SLC14A2: variants seen among roughly 807,000 people sequenced by gnomAD.
The protein encoded by SLC14A2 is solute carrier family 14 member 2.
SLC14A2 carries 91 observed loss-of-function variants against 104.6 expected under a neutral mutation model. That is an observed-to-expected ratio of 0.87 (90% CI 0.73 to 1.04). SLC14A2 has a LOEUF of 1.04. SLC14A2 is among the 50% of genes least tolerant of loss of function. SLC14A2 has a pLI of 0.00. For synonymous variants in SLC14A2, 476 were observed against 466.4 expected (o/e 1.02, Z -0.27); for missense variants, 1,189 against 1,156.0 (o/e 1.03, Z -0.41).
chr18:45,533,136 C>G (rs1441844057), intron 2 of SLC14A2, among the ~76,000 whole-genome samples: 1 of 152,188 alleles, frequency 6.6e-6, no homozygotes, highest in African/African-American at 2.4e-5. Flanking sequence ...CAATGTTTAT[C>G]AAGGATATTG....
chr18:45,613,883 T>G (rs895231083), upstream of SLC14A2, among the ~76,000 whole-genome samples: 3 of 152,186 alleles, frequency 2.0e-5, no homozygotes, highest in Non-Finnish European at 4.4e-5. Flanking sequence ...CCTGACGATG[T>G]GATGGAAAGA....
intron 2 of SLC14A2, among the ~76,000 whole-genome samples, chr18:45,536,699 G>A (rs1482616586): frequency 1.3e-5 from 2 of 152,068 alleles, no homozygotes; most frequent in Admixed American, 6.6e-5. Context: ...ATATCTTTTG[G>A]GGGGCACAAT....
intron 9 of SLC14A2, 29 bp downstream of exon 9, chr18:45,643,210 C>G (rs764577286): frequency 3.8e-5 from 60 of 1,599,590 alleles, no homozygotes; most frequent in Non-Finnish European, 4.9e-5. Context: ...GAACACTACC[C>G]CAAAGTGCTC....
At chr18:45,443,582 G>A (rs1342149942) in intron 1 of SLC14A2, among the ~76,000 whole-genome samples, 1 of 152,076 alleles carries the variant, frequency 6.6e-6, no homozygotes, top group East Asian at 1.9e-4. Context: ...AGTGGGGGTG[G>A]GGGAAGAGTT....
At chr18:45,467,005 C>A (rs1411561928) in intron 1 of SLC14A2, among the ~76,000 whole-genome samples, 1 of 152,052 alleles carries the variant, frequency 6.6e-6, no homozygotes, top group African/African-American at 2.4e-5. Flanking sequence ...GACACAATGT[C>A]CATGTGGGTG....
chr18:45,359,303 G>A (rs138216748), intron 1 of SLC14A2, among the ~76,000 whole-genome samples: 211 of 152,280 alleles, frequency 1.4e-3, no homozygotes, highest in African/African-American at 5.0e-3. Context: ...TGTGAAAAGA[G>A]ATGGGAAGCA....
chr18:45,174,288 G>A, the SLC14A2 span, among the ~76,000 whole-genome samples: 1 of 152,000 alleles, frequency 6.6e-6, no homozygotes, highest in Non-Finnish European at 1.5e-5. Context: ...CAGAGTCCTG[G>A]CCATTTTTCT....
intron 1 of SLC14A2, among the ~76,000 whole-genome samples, chr18:45,257,325 C>T (rs1203292673): frequency 3.3e-5 from 5 of 152,198 alleles, no homozygotes; most frequent in Non-Finnish European, 5.9e-5. Flanking sequence ...ACGTAATAGA[C>T]TAAGTTGTCT....
At chr18:45,625,033 C>T (rs906241057) in intron 2 of SLC14A2, among the ~76,000 whole-genome samples, 10 of 152,204 alleles carry the variant, frequency 6.6e-5, no homozygotes, top group African/African-American at 2.2e-4. Context: ...CAGACACTCA[C>T]TCACCAGTCT....
intron 15 of SLC14A2, 41 bp downstream of exon 15, chr18:45,668,518 C>A (rs897520425): frequency 1.4e-5 from 22 of 1,609,058 alleles, no homozygotes; most frequent in Admixed American, 1.7e-5. Context: ...ATATCAATGG[C>A]CACCAACCTT....
chr18:45,668,540 C>A (rs543935424), intron 15 of SLC14A2, 63 bp downstream of exon 15: 59 of 1,576,348 alleles, frequency 3.7e-5, no homozygotes, highest in Non-Finnish European at 5.0e-5. Context: ...TCATCCCAAT[C>A]CCATGACCGT....
At chr18:45,397,847 C>T (rs999716218) in intron 1 of SLC14A2, among the ~76,000 whole-genome samples, 1 of 152,022 alleles carries the variant, frequency 6.6e-6, no homozygotes, top group African/African-American at 2.4e-5. Flanking sequence ...CAAAGAGATA[C>T]CGAGAAAATT....
At chr18:45,357,367 T>C (rs970652930) in intron 1 of SLC14A2, among the ~76,000 whole-genome samples, 1 of 151,272 alleles carries the variant, frequency 6.6e-6, no homozygotes, top group African/African-American at 2.4e-5. Context: ...ATCCTAGCAA[T>C]TTGGGAGACT....
intron 2 of SLC14A2, among the ~76,000 whole-genome samples, chr18:45,565,096 A>G (rs927591839): frequency 6.6e-6 from 1 of 150,514 alleles, no homozygotes; most frequent in Non-Finnish European, 1.5e-5. Context: ...GCCTGCAACT[A>G]TGGTGTATTG....
At chr18:45,363,431 T>A (rs1344978784) in intron 1 of SLC14A2, among the ~76,000 whole-genome samples, 1 of 152,166 alleles carries the variant, frequency 6.6e-6, no homozygotes. Flanking sequence ...GCACCTCGCA[T>A]GAACTTGGCA....
chr18:45,478,951 AC>A (rs1322683998), intron 1 of SLC14A2, among the ~76,000 whole-genome samples: 1 of 152,104 alleles, frequency 6.6e-6, no homozygotes, highest in African/African-American at 2.4e-5. Flanking sequence ...GCAGCCATTC[AC>A]CTTAGACCAG....
chr18:45,471,373 A>G (rs2087245603), intron 1 of SLC14A2, among the ~76,000 whole-genome samples: 1 of 151,912 alleles, frequency 6.6e-6, no homozygotes, highest in African/African-American at 2.4e-5. Flanking sequence ...ATTGGGTATC[A>G]TTTCTGTATC....
At chr18:45,331,323 G>T (rs914664790) in intron 1 of SLC14A2, among the ~76,000 whole-genome samples, 1 of 152,182 alleles carries the variant, frequency 6.6e-6, no homozygotes, top group Non-Finnish European at 1.5e-5. Context: ...GCATGGAGCT[G>T]CTCTTCCCTC....
intron 1 of SLC14A2, among the ~76,000 whole-genome samples, chr18:45,454,231 T>C (rs188419168): frequency 6.6e-6 from 1 of 152,214 alleles, no homozygotes; most frequent in Non-Finnish European, 1.5e-5. Context: ...TGAAACATTC[T>C]AATCCTCAAC....
Sources: allele counts gnomAD v4.1 joint callset (sites outside exome capture counted in the v4.1 genomes callset), GRCh38; gene constraint gnomAD v4.1.1; transcripts MANE v1.5; gene names NCBI Gene and HGNC (gene_info 2026-07-23, HGNC 2026-07-21).